PTPRJ: variants seen among roughly 807,000 people sequenced by gnomAD.
PTPRJ encodes the protein receptor-type tyrosine-protein phosphatase eta.
PTPRJ carries 129 observed loss-of-function variants against 141.3 expected under a neutral mutation model. The ratio of observed to expected loss-of-function variants is 0.91; its 90% confidence interval spans 0.79 to 1.06. The LOEUF is 1.06. PTPRJ is among the 50% of genes least tolerant of loss of function. PTPRJ has a pLI of 0.00. For missense variants in PTPRJ, 1,601 were observed against 1,679.7 expected (o/e 0.95, Z 0.82); for synonymous variants, 610 against 640.5 (o/e 0.95, Z 0.72).
chr11:48,134,640 C>G (rs1857046459), intron 8 of PTPRJ, among the ~76,000 whole-genome samples: 1 of 151,424 alleles, frequency 6.6e-6, no homozygotes, highest in Non-Finnish European at 1.5e-5. Flanking sequence ...CTTTTTTGTC[C>G]CCTACCTGCC....
chr11:48,008,384 C>A (rs1337340438), intron 1 of PTPRJ, among the ~76,000 whole-genome samples: 2 of 151,908 alleles, frequency 1.3e-5, no homozygotes, highest in African/African-American at 2.4e-5. Context: ...CTCATCCTCC[C>A]GAGTAGCAGG....
At chr11:48,008,368 C>T (rs1417448795) in intron 1 of PTPRJ, among the ~76,000 whole-genome samples, 1 of 151,982 alleles carries the variant, frequency 6.6e-6, no homozygotes, top group African/African-American at 2.4e-5. Flanking sequence ...TTAAGCAATT[C>T]TCTGCCTCAT....
chr11:48,046,021 C>T (rs145155346), intron 1 of PTPRJ, among the ~76,000 whole-genome samples: 60 of 152,104 alleles, frequency 3.9e-4, no homozygotes, highest in African/African-American at 1.3e-3. Flanking sequence ...GGTTGAGGCC[C>T]GGGTTGAGCA....
chr11:48,135,526 G>T (rs1857080279), intron 8 of PTPRJ, among the ~76,000 whole-genome samples: 1 of 135,820 alleles, frequency 7.4e-6, no homozygotes, highest in South Asian at 2.4e-4. Flanking sequence ...CTGTCGCCCA[G>T]GCTGGAGTGC....
chr11:48,126,076 G>C (rs1055215118), intron 6 of PTPRJ, among the ~76,000 whole-genome samples: 18 of 152,080 alleles, frequency 1.2e-4, no homozygotes, highest in Admixed American at 6.6e-4. Flanking sequence ...GGCAGTGGTG[G>C]GGTGTCCTGC....
intron 1 of PTPRJ, among the ~76,000 whole-genome samples, chr11:48,079,830 C>T (rs889368568): frequency 2.6e-5 from 4 of 152,136 alleles, no homozygotes; most frequent in African/African-American, 4.8e-5. Context: ...CCTACAGTCC[C>T]GTGCCTGCTT....
rs180794697 is a variant in PTPRJ at position 48,107,623 on chromosome 11, A to G, written c.97-2435A>G. On this transcript the variant is annotated intron_variant, in intron 1 of 24. Transcript: ENST00000418331. ...TGGGGGCCAGCAGAAGCTTTGGGTC[A>G]TCTGTACCAGTGACTTTGCTGTGAA... Among the ~76,000 whole-genome samples the G allele has an allele frequency of 2.0e-5, 3 of 152,326 alleles. No homozygotes were observed. In the East Asian group the frequency reaches 5.8e-4, roughly 29 times the overall value.
intron 22 of PTPRJ, among the ~76,000 whole-genome samples, chr11:48,161,399 A>T (rs1486893982): frequency 6.6e-6 from 1 of 152,054 alleles, no homozygotes; most frequent in Non-Finnish European, 1.5e-5. Flanking sequence ...GGTCTAGTTT[A>T]TGAGATTATC....
intron 8 of PTPRJ, chr11:48,131,737 G>T: frequency 2.1e-6 from 1 of 486,582 alleles, no homozygotes; most frequent in Non-Finnish European, 3.6e-6. Context: ...TTATTTTCTG[G>T]CCATTACAGA....
chr11:48,059,992 C>A (rs1016838946), intron 1 of PTPRJ, among the ~76,000 whole-genome samples: 5 of 152,096 alleles, frequency 3.3e-5, no homozygotes, highest in African/African-American at 1.2e-4. Context: ...GAATGGGGCG[C>A]TCTATGGAAA....
chr11:48,070,476 G>A (rs567998635), intron 1 of PTPRJ, among the ~76,000 whole-genome samples: 277 of 150,764 alleles, frequency 1.8e-3, no homozygotes, highest in South Asian at 4.5e-3. Flanking sequence ...ATTCCAGCCT[G>A]GGTGACAGGC....
intron 1 of PTPRJ, among the ~76,000 whole-genome samples, chr11:47,982,288 G>C (rs1460779106): frequency 6.6e-6 from 1 of 152,216 alleles, no homozygotes; most frequent in Non-Finnish European, 1.5e-5. Flanking sequence ...CTCCAGGGCC[G>C]GGCCACAGGG....
At chr11:48,133,623 A>T (rs919796451) in intron 8 of PTPRJ, among the ~76,000 whole-genome samples, 21 of 152,244 alleles carry the variant, frequency 1.4e-4, no homozygotes, top group African/African-American at 5.1e-4. Flanking sequence ...CTCCAAAAGA[A>T]TTGAAAACAG....
intron 3 of PTPRJ, among the ~76,000 whole-genome samples, chr11:48,118,961 A>C (rs577639620): frequency 7.1e-6 from 1 of 140,046 alleles, no homozygotes; most frequent in East Asian, 2.2e-4. Flanking sequence ...CAGAGGTTGC[A>C]GTGAGCCAAG....
chr11:48,145,558 G>GGT (rs1555055984), intron 14 of PTPRJ, among the ~76,000 whole-genome samples: 1 of 117,506 alleles, frequency 8.5e-6, no homozygotes, highest in African/African-American at 3.2e-5. Context: ...TTTATTTTAT[G>GGT]TTTTTTTTTT....
chr11:48,029,262 C>T (rs1853915452), intron 1 of PTPRJ, among the ~76,000 whole-genome samples: 1 of 152,138 alleles, frequency 6.6e-6, no homozygotes, highest in Non-Finnish European at 1.5e-5. Flanking sequence ...GATGTCATTG[C>T]ATATTGGTTC....
intron 1 of PTPRJ, among the ~76,000 whole-genome samples, chr11:47,986,045 C>T (rs1425855252): frequency 6.6e-6 from 1 of 152,086 alleles, no homozygotes; most frequent in Non-Finnish European, 1.5e-5. Context: ...AGGCTGGACT[C>T]GAACTCCTGG....
chr11:48,003,956 G>T (rs181101640), intron 1 of PTPRJ, among the ~76,000 whole-genome samples: 45 of 152,248 alleles, frequency 3.0e-4, no homozygotes, highest in African/African-American at 8.7e-4. Flanking sequence ...CAGGGAAAAT[G>T]TCAAATAATT....
intron 1 of PTPRJ, among the ~76,000 whole-genome samples, chr11:48,103,991 T>G (rs1215062567): frequency 6.6e-6 from 1 of 152,234 alleles, no homozygotes; most frequent in East Asian, 1.9e-4. Context: ...ATGGCATTTT[T>G]GGGACCTGGA....
Sources: gnomAD v4.1 joint callset for allele counts (sites outside exome capture counted in the v4.1 genomes callset) on GRCh38, gnomAD v4.1.1 for gene constraint, MANE v1.5 for transcripts, NCBI Gene and HGNC (gene_info 2026-07-23, HGNC 2026-07-21) for gene names.